DOCK2: variants seen among roughly 807,000 people sequenced by gnomAD.
DOCK2 encodes dedicator of cytokinesis 2, also known as dedicator of cytokinesis protein 2.
In DOCK2, 87 loss-of-function variants were observed where a neutral mutation model predicts 248.9. The ratio of observed to expected loss-of-function variants is 0.35; its 90% CI spans 0.29 to 0.42. DOCK2 has a LOEUF of 0.42. DOCK2 is among the 10% of genes least tolerant of loss of function. DOCK2 has a pLI of 1.00. For synonymous variants in DOCK2, 805 were observed against 821.6 expected (o/e 0.98, Z 0.35); for missense variants, 1,747 against 2,300.2 (o/e 0.76, Z 4.92).
Position 170,041,117 on chromosome 5 carries a change from C to T in DOCK2, c.3728C>T (p.Thr1243Met), listed in dbSNP as rs1756498546. The change falls in exon 37 of 52, where the codon ACG becomes ATG. Residue 1243 changes from threonine to methionine, a missense_variant. Around this residue, in one of 4 missense-constraint regions of DOCK2, gnomAD observed 858 missense variants for 1,183.5 expected, o/e 0.72. Transcript: ENST00000520908. ...GACAATTACACAGAGGCTGCCTACACGCTCCTTCTCCACACCTGGCTTCTC... is the reference window on the plus strand; with the variant it reads ...GACAATTACACAGAGGCTGCCTACATGCTCCTTCTCCACACCTGGCTTCTC... ...DCDNYTEAAY[T>M]LLLHTWLLKW... The T allele has an allele frequency of 1.9e-6, 3 of 1,614,126 alleles. No individual in the cohort carries two copies. The highest frequency in any genetic ancestry group is 1.7e-6 in the Non-Finnish European group (2 of 1,180,004).
intron 22 of DOCK2, among the ~76,000 whole-genome samples, chr5:169,727,475 G>A (rs1762545165): frequency 6.6e-6 from 1 of 152,122 alleles, no homozygotes; most frequent in Non-Finnish European, 1.5e-5. Flanking sequence ...TGGTGGTGGA[G>A]GGGGGCCTGA....
chr5:169,822,352 G>A (rs1166217539), intron 26 of DOCK2, among the ~76,000 whole-genome samples: 2 of 152,130 alleles, frequency 1.3e-5, no homozygotes, highest in Non-Finnish European at 2.9e-5. Flanking sequence ...TTCCAAAATT[G>A]ACCACATAGG....
chr5:169,997,059 G>C (rs1018245464), intron 30 of DOCK2, among the ~76,000 whole-genome samples: 1 of 151,936 alleles, frequency 6.6e-6, no homozygotes, highest in Non-Finnish European at 1.5e-5. Context: ...TTCATCATTT[G>C]TGGGTGTTTC....
chr5:169,746,533 C>T (rs940667877), intron 22 of DOCK2, among the ~76,000 whole-genome samples: 3 of 152,120 alleles, frequency 2.0e-5, no homozygotes, highest in Non-Finnish European at 4.4e-5. Context: ...GAGACAGGAG[C>T]ACTCTTCTGT....
chr5:170,065,938 A>G (rs972063777), intron 44 of DOCK2, among the ~76,000 whole-genome samples: 1 of 150,370 alleles, frequency 6.7e-6, no homozygotes, highest in African/African-American at 2.5e-5. Context: ...AATATATTCC[A>G]TGCAAATGAA....
intron 22 of DOCK2, among the ~76,000 whole-genome samples, chr5:169,720,483 AT>A (rs112194590): frequency 0.035 from 4,917 of 140,308 alleles, 95 homozygotes; most frequent in African/African-American, 0.048. Flanking sequence ...CCTTCCTTCC[AT>A]TTTTTCCTTC....
chr5:170,073,938 C>T (rs1219568142), intron 46 of DOCK2, among the ~76,000 whole-genome samples: 2 of 152,014 alleles, frequency 1.3e-5, no homozygotes, highest in Non-Finnish European at 2.9e-5. Context: ...TATTTTTATT[C>T]GTGTCCACTC....
In DOCK2 at chr5:169,668,734, T is replaced by C. The variant is rs768189718; in HGVS notation, c.128-554T>C. On this transcript the variant is annotated intron_variant, in intron 2 of 51. Coordinates refer to ENST00000520908, the MANE Select transcript of DOCK2 (RefSeq NM_004946.3). The stretch of plus-strand genomic sequence containing the variant: ...CAAAGGGTAGATCTCTTAAAATCCC[T>C]GTCCCTTTATCTGTCCCTAAACTTA... Among the ~76,000 whole-genome samples the C allele has an allele frequency of 2.0e-5, 3 of 149,852 alleles. No homozygotes were observed. The East Asian group carries it at 6.0e-4, about 30-fold the overall frequency.
rs1757886491 is a variant in DOCK2 at position 170,077,788 on chromosome 5, G to T, written c.4945G>T (p.Ala1649Ser). Residue 1649 changes from alanine (A) to serine (S), a missense_variant, in exon 48 of 52, where the codon GCT becomes TCT. By Grantham distance (99) the Ala-to-Ser change is moderately conservative. Around this residue, in one of 4 missense-constraint regions of DOCK2, gnomAD observed 513 missense variants for 586.1 expected, o/e 0.88. Coordinates refer to ENST00000520908, the MANE Select transcript of DOCK2 (RefSeq NM_004946.3). ...SYRQMSIISL[A>S]SMNSDCSTPS... ...CAGACAGATGTCCATCATCTCTCTG[G>T]CTTCCATGAATTCTGACTGCAGCAC... 1 of 1,613,604 alleles carries T rather than the reference G, an allele frequency of 6.2e-7. No homozygotes were observed. The highest frequency in any genetic ancestry group is 8.5e-7 in the Non-Finnish European group (1 of 1,179,966).
Position 170,027,961 on chromosome 5 carries a change from C to T in DOCK2, c.3467+13C>T. ...TCCTGGAGTCAATGTAAGTTCAGTG[C>T]CCTGTGTGTAGGAACAGCCTGTGAA... On this transcript the variant is annotated intron_variant, in intron 34 of 51. Transcript: ENST00000520908. 1.2e-6 allele frequency: 2 copies of T among 1,607,970 alleles called. No homozygotes were observed. Among genetic ancestry groups the T allele is most frequent in the African/African-American group, 1.3e-5 (1 of 74,898 alleles).
intron 27 of DOCK2, among the ~76,000 whole-genome samples, chr5:169,887,969 T>C (rs762128190): frequency 6.6e-6 from 1 of 152,242 alleles, no homozygotes; most frequent in Non-Finnish European, 1.5e-5. Context: ...TTATTCTCGA[T>C]ATGGAATTTA....
In DOCK2 at chr5:169,679,591, A is replaced by G. The variant is rs1427107042; in HGVS notation, c.471-2153A>G. 4.6e-5 allele frequency among the ~76,000 whole-genome samples: 7 copies of G among 152,248 alleles called. No individual in the cohort carries two copies. In the East Asian group the frequency reaches 1.3e-3, roughly 29 times the overall value. On this transcript the variant is annotated intron_variant, in intron 6 of 51. Coordinates refer to ENST00000520908, the MANE Select transcript of DOCK2 (RefSeq NM_004946.3). ...CCACTTTGATAAATTTTGAGGAGAA[A>G]CAGCCAGAGAGATCTTGGCATTAAA...
At chr5:169,921,264 C>T (rs1030122186) in intron 27 of DOCK2, among the ~76,000 whole-genome samples, 13 of 152,186 alleles carry the variant, frequency 8.5e-5, no homozygotes, top group South Asian at 2.1e-4. Flanking sequence ...TTAGAATATT[C>T]AAGATCATCA....
At chr5:170,039,408 T>A (rs1393572677) in intron 36 of DOCK2, among the ~76,000 whole-genome samples, 1 of 152,226 alleles carries the variant, frequency 6.6e-6, no homozygotes, top group Non-Finnish European at 1.5e-5. Flanking sequence ...CATGCCTGTC[T>A]CTTCTCCTAG....
rs746762884 is a variant in DOCK2 at position 170,082,820 on chromosome 5, G to A, written c.5455G>A (p.Gly1819Ser). The A allele has an allele frequency of 4.3e-6, 7 of 1,614,210 alleles. No homozygotes were observed. The South Asian group carries it at 7.7e-5, about 18-fold the overall frequency. Residue 1819 changes from glycine to serine, a missense_variant, in exon 52 of 52, where the codon GGC becomes AGC. Transcript: ENST00000520908. ...GCTGGCCAGCAAATCGGCTGAAGAA[G>A]GCAAACAGATCCCAGACTCGCTGTC... ...TMLASKSAEE[G>S]KQIPDSLSTD...
rs185084493 is a variant in DOCK2 at position 169,824,748 on chromosome 5, G to A, written c.2704-16009G>A. 8.9e-3 allele frequency among the ~76,000 whole-genome samples: 1,361 copies of A among 152,288 alleles called. 10 individuals carry two copies. The highest frequency in any genetic ancestry group is 0.015 in the Non-Finnish European group (1,019 of 68,030). Reference sequence around the variant, plus strand: ...CATGCCTAAAACACCAAAAGCAATGGCAACGAAAGCCAAAATTGACAAATG... The same window carrying A: ...CATGCCTAAAACACCAAAAGCAATGACAACGAAAGCCAAAATTGACAAATG... On this transcript the variant is annotated intron_variant, in intron 26 of 51. Transcript: ENST00000520908.
intron 34 of DOCK2, among the ~76,000 whole-genome samples, chr5:170,031,645 T>C (rs969798067): frequency 6.6e-5 from 10 of 152,214 alleles, no homozygotes; most frequent in African/African-American, 2.2e-4. Flanking sequence ...ATGTTTCCCA[T>C]GCTAGACTGT....
chr5:170,012,173 T>G (rs79221388), intron 32 of DOCK2, among the ~76,000 whole-genome samples: 3,668 of 152,220 alleles, frequency 0.024, 147 homozygotes, highest in South Asian at 0.16. Context: ...ACAAATAATT[T>G]TTTTCAAAGT....
At chr5:169,919,182 A>C (rs1169452250) in intron 27 of DOCK2, among the ~76,000 whole-genome samples, 1 of 152,216 alleles carries the variant, frequency 6.6e-6, no homozygotes, top group African/African-American at 2.4e-5. Context: ...GATGTTGCTC[A>C]GTTCATTGTT....
Sources: allele counts gnomAD v4.1 joint callset (sites outside exome capture counted in the v4.1 genomes callset), GRCh38; gene constraint gnomAD v4.1.1; regional missense constraint gnomAD v4.1.1; transcripts MANE v1.5; gene names NCBI Gene and HGNC (gene_info 2026-07-23, HGNC 2026-07-21).